GRID2: variants seen among roughly 807,000 people sequenced by gnomAD.
The protein encoded by GRID2 is glutamate receptor ionotropic, delta-2.
In GRID2, 33 loss-of-function variants were observed where a neutral mutation model predicts 114.8. The ratio of observed to expected loss-of-function variants is 0.29; its 90% CI spans 0.22 to 0.38. The LOEUF (loss-of-function observed/expected upper bound fraction) is 0.38. Among genes scored for constraint, GRID2 ranks in the 10% least tolerant of loss-of-function variants. GRID2 has a pLI of 1.00. For synonymous variants in GRID2, 505 were observed against 449.9 expected, an observed-to-expected ratio of 1.12 and a Z score of -1.55; for missense variants, 1,184 against 1,257.7, an observed-to-expected ratio of 0.94 and a Z score of 0.89.
chr4:92,317,390 T>A (rs1726049928), intron 1 of GRID2, among the ~76,000 whole-genome samples: 2 of 152,222 alleles, frequency 1.3e-5, no homozygotes, highest in Admixed American at 1.3e-4. Context: ...TATATAGGTG[T>A]AATTGAAAAC....
intron 1 of GRID2, among the ~76,000 whole-genome samples, chr4:92,402,344 C>G (rs1255053542): frequency 6.6e-6 from 1 of 152,130 alleles, no homozygotes; most frequent in Admixed American, 6.6e-5. Context: ...GTGGAGAATC[C>G]TTTCCTGAAG....
At chr4:92,792,001 C>T (rs760341411) in intron 2 of GRID2, among the ~76,000 whole-genome samples, 2 of 151,772 alleles carry the variant, frequency 1.3e-5, no homozygotes, top group Non-Finnish European at 2.9e-5. Flanking sequence ...TGTCTTGTTT[C>T]CATAACATTG....
chr4:93,368,786 AT>A, intron 8 of GRID2, among the ~76,000 whole-genome samples: 3 of 152,334 alleles, frequency 2.0e-5, no homozygotes, highest in Admixed American at 2.0e-4. Flanking sequence ...TAGTCTTACT[AT>A]AAGTCACACC....
chr4:93,702,310 G>T (rs996871931), intron 14 of GRID2, among the ~76,000 whole-genome samples: 10 of 151,926 alleles, frequency 6.6e-5, no homozygotes, highest in African/African-American at 2.4e-4. Context: ...CATAACTTTG[G>T]ATATCTGTTT....
chr4:92,323,550 C>T lies in GRID2; in HGVS notation c.88+18806C>T, dbSNP rs1025574788. Among the ~76,000 whole-genome samples, 61 of 152,046 alleles carry T rather than the reference C, an allele frequency of 4.0e-4. 3 individuals carry two copies. ...TTGGTCTCTTCCCCTCATTCTCTTG[C>T]TCTTTCATTGCTGGCCTACTTTATG... On this transcript the variant is annotated intron_variant, in intron 1 of 15. Transcript: ENST00000282020.
chr4:92,655,982 G>A (rs1019658017), intron 2 of GRID2, among the ~76,000 whole-genome samples: 2 of 151,628 alleles, frequency 1.3e-5, no homozygotes, highest in Non-Finnish European at 2.9e-5. Context: ...TCCCCATTCA[G>A]TATTATGTTA....
intron 5 of GRID2, among the ~76,000 whole-genome samples, chr4:93,212,317 A>T (rs1743623034): frequency 6.6e-6 from 1 of 152,184 alleles, no homozygotes; most frequent in African/African-American, 2.4e-5. Context: ...CATGATAGAA[A>T]TTAATGTAGA....
chr4:93,626,306 C>A lies in GRID2; in HGVS notation c.2231C>A (p.Ala744Asp). The A allele has an allele frequency of 6.2e-7, 1 of 1,602,070 alleles. No homozygotes were observed. Among genetic ancestry groups the A allele is most frequent in the Admixed American group, 1.7e-5 (1 of 59,674 alleles). The change falls in exon 14 of 16, where the codon GCT becomes GAT. Residue 744 changes from alanine (A) to aspartate (D), a missense_variant. By Grantham distance (126) the Ala-to-Asp change is moderately radical. Around this residue, in one of 3 missense-constraint regions of GRID2, gnomAD observed 717 missense variants for 796.9 expected, o/e 0.90. Coordinates refer to ENST00000282020, the MANE Select transcript of GRID2 (RefSeq NM_001510.4). Reference protein sequence around the residue: ...YGNYAFVWDAAVLEYVAINDP... With the variant: ...YGNYAFVWDADVLEYVAINDP... ...AATTATGCTTTCGTATGGGATGCAG[C>A]TGTATTGGAATATGTGGCTATCAAT...
chr4:93,091,970 C>A (rs551000793), intron 3 of GRID2, among the ~76,000 whole-genome samples: 1 of 152,122 alleles, frequency 6.6e-6, no homozygotes, highest in Non-Finnish European at 1.5e-5. Flanking sequence ...TAATCCCACA[C>A]GACTTTCATG....
At chr4:93,169,790 A>G (rs887121792) in intron 4 of GRID2, among the ~76,000 whole-genome samples, 1 of 152,234 alleles carries the variant, frequency 6.6e-6, no homozygotes, top group Non-Finnish European at 1.5e-5. Context: ...GGATTCAATT[A>G]TCCTACATCT....
intron 1 of GRID2, among the ~76,000 whole-genome samples, chr4:92,441,873 A>G (rs913340589): frequency 2.0e-5 from 3 of 152,016 alleles, no homozygotes; most frequent in Non-Finnish European, 2.9e-5. Context: ...AAGGGAGGCA[A>G]TGAGATACAG....
chr4:93,195,597 A>G (rs986019221), intron 4 of GRID2, among the ~76,000 whole-genome samples: 1 of 152,206 alleles, frequency 6.6e-6, no homozygotes, highest in African/African-American at 2.4e-5. Context: ...GGACATGTCA[A>G]TACACTGGAA....
intron 2 of GRID2, among the ~76,000 whole-genome samples, chr4:92,609,625 T>A (rs1236229160): frequency 2.1e-5 from 3 of 142,350 alleles, no homozygotes; most frequent in Admixed American, 1.4e-4. Flanking sequence ...ATAATATATA[T>A]TATATATATA....
intron 8 of GRID2, among the ~76,000 whole-genome samples, chr4:93,311,773 G>A (rs1434867092): frequency 1.3e-5 from 2 of 152,124 alleles, no homozygotes; most frequent in Non-Finnish European, 2.9e-5. Flanking sequence ...TGATCAACAA[G>A]GCCAAATGAT....
chr4:93,603,552 A>C (rs1429463272), intron 13 of GRID2, among the ~76,000 whole-genome samples: 4 of 152,200 alleles, frequency 2.6e-5, no homozygotes. Context: ...CCATTGATGG[A>C]GGTGGCTACA....
intron 1 of GRID2, among the ~76,000 whole-genome samples, chr4:92,563,574 A>T (rs896007272): frequency 6.6e-6 from 1 of 152,104 alleles, no homozygotes; most frequent in Non-Finnish European, 1.5e-5. Context: ...TCTTCCAGAA[A>T]CACTTAATGC....
chr4:93,568,980 C>T (rs1007969517), intron 13 of GRID2, among the ~76,000 whole-genome samples: 1 of 152,162 alleles, frequency 6.6e-6, no homozygotes, highest in Admixed American at 6.6e-5. Context: ...TGTGATTCCC[C>T]TGGGCAGGCA....
intron 13 of GRID2, among the ~76,000 whole-genome samples, chr4:93,562,278 C>T (rs1013331813): frequency 2.6e-5 from 4 of 151,458 alleles, no homozygotes; most frequent in Non-Finnish European, 5.9e-5. Flanking sequence ...TGATGATATA[C>T]GATGTGGAGC....
intron 14 of GRID2, among the ~76,000 whole-genome samples, chr4:93,714,266 A>G (rs1578640210): frequency 1.3e-5 from 2 of 152,214 alleles, no homozygotes; most frequent in East Asian, 3.9e-4. Flanking sequence ...AAAGACCATA[A>G]TTCTCATTCC....
Sources: gnomAD v4.1 joint callset for allele counts (sites outside exome capture counted in the v4.1 genomes callset) on GRCh38, gnomAD v4.1.1 for gene constraint, gnomAD v4.1.1 regional missense constraint, MANE v1.5 for transcripts, NCBI Gene and HGNC (gene_info 2026-07-23, HGNC 2026-07-21) for gene names.